CAST: variants seen among roughly 807,000 people sequenced by gnomAD.
The protein encoded by CAST is MIR583 host.
CAST carries 76 observed loss-of-function variants against 119.6 expected under a neutral mutation model. That is an observed-to-expected ratio of 0.64 (90% CI 0.53 to 0.77). The LOEUF (loss-of-function observed/expected upper bound fraction) is 0.77. Ranked by LOEUF, CAST falls within the 30% of genes least tolerant of loss-of-function variation. The probability of loss-of-function intolerance (pLI) is 0.00; values close to 1 mark genes in which losing one functional copy is unlikely to be tolerated. For synonymous variants in CAST, 319 were observed against 331.6 expected, an observed-to-expected ratio of 0.96 and a Z score of 0.41; for missense variants, 953 against 946.5, an observed-to-expected ratio of 1.01 and a Z score of -0.09.
the CAST span, among the ~76,000 whole-genome samples, chr5:96,382,739 AATT>A: frequency 2.1e-4 from 32 of 152,246 alleles, no homozygotes; most frequent in Non-Finnish European, 4.1e-4. Flanking sequence ...AGGTAAATGA[AATT>A]ATTATTCCCA....
At chr5:96,056,852 CTCTA>C in the CAST span, among the ~76,000 whole-genome samples, 1 of 152,116 alleles carries the variant, frequency 6.6e-6, no homozygotes, top group African/African-American at 2.4e-5. Context: ...TTGGTATAAT[CTCTA>C]TCTAGTGAGG....
chr5:96,091,217 T>G, the CAST span, among the ~76,000 whole-genome samples: 1 of 151,902 alleles, frequency 6.6e-6, no homozygotes, highest in Admixed American at 6.6e-5. Context: ...TTTTTTTTTT[T>G]TTTGAGACAG....
At chr5:96,369,172 G>A in the CAST span, among the ~76,000 whole-genome samples, 48,344 of 150,680 alleles carry the variant, frequency 0.32, 8,305 homozygotes, top group Admixed American at 0.43. Context: ...CTGATTTCTC[G>A]TATATTTATT....
the CAST span, among the ~76,000 whole-genome samples, chr5:96,518,177 C>G: frequency 6.6e-6 from 1 of 152,232 alleles, no homozygotes; most frequent in Non-Finnish European, 1.5e-5. Flanking sequence ...GTAGTGAAGA[C>G]TAACACTAGG....
chr5:96,465,453 G>A, the CAST span, among the ~76,000 whole-genome samples: 3 of 152,098 alleles, frequency 2.0e-5, no homozygotes, highest in South Asian at 6.2e-4. Flanking sequence ...AAGTGTTGGT[G>A]GAAGACAACC....
chr5:96,271,698 G>A, the CAST span, among the ~76,000 whole-genome samples: 1 of 150,182 alleles, frequency 6.7e-6, no homozygotes, highest in African/African-American at 2.4e-5. Context: ...ACATTGGTCT[G>A]GGCAAAGAAT....
chr5:96,111,302 C>T, the CAST span, among the ~76,000 whole-genome samples: 29 of 152,282 alleles, frequency 1.9e-4, no homozygotes, highest in South Asian at 1.0e-3. Context: ...CTTCTGTATC[C>T]GTGGAATTTT....
chr5:96,762,719 A>G, intron 25 of CAST: 1 of 268,138 alleles, frequency 3.7e-6, no homozygotes, highest in Non-Finnish European at 7.0e-6. Context: ...TTTCTCCTTT[A>G]TATTTTTTCT....
At chr5:96,474,007 A>G in the CAST span, among the ~76,000 whole-genome samples, 1 of 152,164 alleles carries the variant, frequency 6.6e-6, no homozygotes, top group Non-Finnish European at 1.5e-5. Context: ...GACTTCCAAT[A>G]TAGCTGAACT....
At chr5:96,401,422 G>A in the CAST span, among the ~76,000 whole-genome samples, 2 of 152,210 alleles carry the variant, frequency 1.3e-5, no homozygotes, top group Non-Finnish European at 2.9e-5. Flanking sequence ...GGGCCAGAGC[G>A]ATGAGAACCT....
chr5:96,155,461 A>G, the CAST span, among the ~76,000 whole-genome samples: 1 of 152,248 alleles, frequency 6.6e-6, no homozygotes, highest in Non-Finnish European at 1.5e-5. Flanking sequence ...ATACATTTTA[A>G]AATAGAAAAC....
the CAST span, among the ~76,000 whole-genome samples, chr5:96,415,805 A>AT: frequency 0.61 from 92,931 of 151,152 alleles, 30,301 homozygotes; most frequent in African/African-American, 0.85. Flanking sequence ...ACATTTCCAC[A>AT]TTTTTTTTTC....
the CAST span, among the ~76,000 whole-genome samples, chr5:96,090,177 G>A: frequency 8.5e-5 from 13 of 152,270 alleles, no homozygotes; most frequent in East Asian, 2.5e-3. Flanking sequence ...AAGGCTTCAG[G>A]TTGTTATGTT....
chr5:96,345,538 A>G, the CAST span, among the ~76,000 whole-genome samples: 1 of 152,206 alleles, frequency 6.6e-6, no homozygotes, highest in Non-Finnish European at 1.5e-5. Flanking sequence ...AAGAAACACT[A>G]TATTATTCCC....
chr5:96,215,648 ACTT>A, the CAST span: 1 of 152,042 alleles, frequency 6.6e-6, no homozygotes, highest in African/African-American at 2.4e-5. Flanking sequence ...CACCGCCTCT[ACTT>A]CTTCTGCCTC....
chr5:96,390,560 T>C, the CAST span: 3 of 152,618 alleles, frequency 2.0e-5, no homozygotes, highest in African/African-American at 4.8e-5. Flanking sequence ...CTTTTTTTCA[T>C]TGACAGAGGA....
At chr5:96,348,883 G>A in the CAST span, among the ~76,000 whole-genome samples, 2 of 152,124 alleles carry the variant, frequency 1.3e-5, no homozygotes, top group East Asian at 3.9e-4. Flanking sequence ...GGCTGTAACG[G>A]AAGTGGTGTT....
chr5:96,096,914 G>A, the CAST span, among the ~76,000 whole-genome samples: 1 of 152,196 alleles, frequency 6.6e-6, no homozygotes, highest in African/African-American at 2.4e-5. Context: ...CTTGCCAATA[G>A]ACTCCTGTTG....
intron 1 of CAST, among the ~76,000 whole-genome samples, chr5:96,625,892 C>T (rs965264671): frequency 1.6e-4 from 24 of 152,114 alleles, no homozygotes; most frequent in African/African-American, 5.8e-4. Flanking sequence ...CAAGACACTT[C>T]CAATGCGAAC....
Sources: allele counts gnomAD v4.1 joint callset (sites outside exome capture counted in the v4.1 genomes callset), GRCh38; gene constraint gnomAD v4.1.1; transcripts MANE v1.5; gene names NCBI Gene and HGNC (gene_info 2026-07-23, HGNC 2026-07-21).